Variants in PTPN14 observed in about 807,000 individuals in gnomAD.
PTPN14 encodes the protein protein tyrosine phosphatase non-receptor type 14, also known as tyrosine-protein phosphatase non-receptor type 14.
A neutral mutation model predicts 126.8 loss-of-function variants in PTPN14; 53 were observed. That is an observed-to-expected ratio of 0.42 (90% CI 0.34 to 0.53). PTPN14 has a LOEUF of 0.53. PTPN14 is among the 20% of genes least tolerant of loss of function. The pLI is 0.08. For synonymous variants in PTPN14, 630 were observed against 599.3 expected (o/e 1.05, Z -0.75); for missense variants, 1,257 against 1,552.9 (o/e 0.81, Z 3.20).
At chr1:214,521,936 CTTTTT>C (rs367888207) in intron 1 of PTPN14, among the ~76,000 whole-genome samples, 1 of 99,926 alleles carries the variant, frequency 1.0e-5, no homozygotes, top group Non-Finnish European at 1.9e-5. Flanking sequence ...AAATCTGAAG[CTTTTT>C]TTTTTTTTTT....
intron 5 of PTPN14, among the ~76,000 whole-genome samples, chr1:214,403,158 G>T (rs1659075621): frequency 6.6e-6 from 1 of 152,158 alleles, no homozygotes; most frequent in Non-Finnish European, 1.5e-5. Context: ...ATTATAACAG[G>T]TTATTTCCAG....
intron 1 of PTPN14, among the ~76,000 whole-genome samples, chr1:214,488,344 T>C (rs974733145): frequency 1.3e-5 from 2 of 152,202 alleles, no homozygotes; most frequent in Admixed American, 1.3e-4. Flanking sequence ...ACAATAGGGA[T>C]AAAACTGTTT....
chr1:214,500,837 G>A (rs1295217428), intron 1 of PTPN14, among the ~76,000 whole-genome samples: 3 of 152,158 alleles, frequency 2.0e-5, no homozygotes, highest in Non-Finnish European at 4.4e-5. Context: ...GGCATGTGGA[G>A]CCTCAGGTCC....
chr1:214,457,485 C>T (rs1466084047), intron 2 of PTPN14, among the ~76,000 whole-genome samples: 4 of 152,034 alleles, frequency 2.6e-5, no homozygotes, highest in African/African-American at 9.7e-5. Context: ...TCTCAGGTGC[C>T]TTTGTTATAT....
At chr1:214,465,006 C>G in intron 1 of PTPN14, 49 bp from the exon 2 acceptor site, 1 of 523,730 alleles carries the variant, frequency 1.9e-6, no homozygotes, top group South Asian at 2.5e-5. Flanking sequence ...AGGGACCTAT[C>G]AATGGTACCA....
Position 214,434,747 on chromosome 1 carries a change from C to T in PTPN14, c.344+17058G>A, listed in dbSNP as rs943827827. The stretch of plus-strand genomic sequence containing the variant: ...GGACCCAGAGAAAAGGTGGAAGAAC[C>T]GAGAGCAGAATAGGGAGTCGGTCTT... On this transcript the variant is annotated intron_variant, in intron 3 of 18. Transcript: ENST00000366956. 2.0e-5 allele frequency among the ~76,000 whole-genome samples: 3 copies of T among 152,046 alleles called. No individual in the cohort carries two copies. In the South Asian group the frequency reaches 6.2e-4, roughly 32 times the overall value.
intron 1 of PTPN14, among the ~76,000 whole-genome samples, chr1:214,471,806 C>A (rs1048233205): frequency 2.6e-5 from 4 of 152,220 alleles, no homozygotes; most frequent in South Asian, 4.1e-4. Context: ...GACTAAATGT[C>A]CTCTGAAGAG....
chr1:214,514,169 A>C (rs1420621981), intron 1 of PTPN14, among the ~76,000 whole-genome samples: 1 of 152,104 alleles, frequency 6.6e-6, no homozygotes, highest in Non-Finnish European at 1.5e-5. Context: ...ATTCCAGAGC[A>C]GCGGGCAGAG....
In PTPN14 at chr1:214,487,053, T is replaced by C. The variant is rs1236344691; in HGVS notation, c.-154-22096A>G. Among the ~76,000 whole-genome samples the C allele has an allele frequency of 3.9e-5, 6 of 152,348 alleles. No individual in the cohort carries two copies. The East Asian group carries it at 9.6e-4, about 24-fold the overall frequency. On this transcript the variant is annotated intron_variant, in intron 1 of 18. Coordinates refer to ENST00000366956, the MANE Select transcript of PTPN14 (RefSeq NM_005401.5). The stretch of plus-strand genomic sequence containing the variant: ...CTGGAAAAAAATCTGTATGCTTTTA[T>C]ATTTTCACAGGTAAGTGCAGAAATG...
chr1:214,356,001 C>T lies in PTPN14; in HGVS notation c.*1921G>A, dbSNP rs1306350305. On this transcript the variant is annotated 3_prime_UTR_variant, in exon 19 of 19. Transcript: ENST00000366956. ...TTGGAGGCAGGGTCTCTCCGTAGCC[C>T]AGCCTGGACTACAGTGGCAAGATCA... The T allele has an allele frequency of 6.8e-6, 1 of 146,224 alleles. No homozygotes were observed. Among genetic ancestry groups the T allele is most frequent in the East Asian group, 2.0e-4 (1 of 5,092 alleles). 9.1% of individuals were successfully genotyped at this position (146,224 alleles called of 1,614,324 possible). A position where few individuals can be genotyped will look rare whatever the true frequency, so the allele number is the denominator to read the frequency against.
rs562610223 is a variant in PTPN14, at chr1:214,396,170, C to T, written c.759-1184G>A. On this transcript the variant is annotated intron_variant, in intron 8 of 18. Coordinates refer to ENST00000366956, the MANE Select transcript of PTPN14 (RefSeq NM_005401.5). The stretch of plus-strand genomic sequence containing the variant: ...TATTGTCTCTTAGCTGTATAGAGTC[C>T]GATTCTTACACCAACTCTTTATGGC... Among the ~76,000 whole-genome samples, 379 of 152,220 alleles carry T rather than the reference C, an allele frequency of 2.5e-3. 1 individual carries two copies. The highest frequency in any genetic ancestry group is 4.0e-3 in the Non-Finnish European group (270 of 68,002).
chr1:214,432,733 G>GT lies in PTPN14; in HGVS notation c.345-18008dup, dbSNP rs57401423. Among the ~76,000 whole-genome samples, 235 of 151,730 alleles carry GT rather than the reference G, an allele frequency of 1.5e-3. 1 individual carries two copies. The highest frequency in any genetic ancestry group is 5.1e-3 in the African/African-American group (212 of 41,392). ...TATACTGTATTACTCTACCTAAAAA[G>GT]TTTTTTTTTAAAAGAAAAGCAAAAC... is the stretch of plus-strand genomic sequence containing the variant. On this transcript the variant is annotated intron_variant, in intron 3 of 18. Transcript: ENST00000366956.
At chr1:214,406,390 A>G (rs1001745693) in intron 5 of PTPN14, among the ~76,000 whole-genome samples, 3 of 151,962 alleles carry the variant, frequency 2.0e-5, no homozygotes, top group African/African-American at 7.3e-5. Flanking sequence ...CTGAGGCAGG[A>G]GAATCGCTTG....
chr1:214,393,251 C>A (rs115384881), intron 10 of PTPN14, among the ~76,000 whole-genome samples: 10 of 152,212 alleles, frequency 6.6e-5, no homozygotes, highest in Admixed American at 1.3e-4. Context: ...CAGGAGCACA[C>A]GCAGGGTTAG....
intron 10 of PTPN14, among the ~76,000 whole-genome samples, chr1:214,393,045 GACA>G (rs1658794369): frequency 6.6e-6 from 1 of 152,160 alleles, no homozygotes; most frequent in South Asian, 2.1e-4. Flanking sequence ...CCAAGAAAAA[GACA>G]ACGATAGAGT....
intron 3 of PTPN14, among the ~76,000 whole-genome samples, chr1:214,423,056 G>C (rs965295722): frequency 3.4e-4 from 52 of 152,102 alleles, no homozygotes; most frequent in African/African-American, 1.2e-3. Context: ...ACTTTGAGGG[G>C]CTGAGGTGAG....
chr1:214,377,844 G>A lies in PTPN14; in HGVS notation c.2688+115C>T, dbSNP rs564081892. The A allele has an allele frequency of 1.0e-5, 13 of 1,283,098 alleles. No homozygotes were observed. In the Admixed American group the frequency reaches 1.1e-4, roughly 11 times the overall value. 79.5% of individuals were successfully genotyped at this position (1,283,098 alleles called of 1,614,324 possible). A position where few individuals can be genotyped will look rare whatever the true frequency, so the allele number is the denominator to read the frequency against. ...GTTATACCTGATCTTCCTAATCTCA[G>A]ATTGAAGAAAGAATGCATCACACAA... is the stretch of plus-strand genomic sequence containing the variant. On this transcript the variant is annotated intron_variant, in intron 14 of 18. Coordinates refer to ENST00000366956, the MANE Select transcript of PTPN14 (RefSeq NM_005401.5).
chr1:214,359,717 T>C (rs1197521247), intron 18 of PTPN14, among the ~76,000 whole-genome samples: 1 of 151,376 alleles, frequency 6.6e-6, no homozygotes, highest in East Asian at 2.0e-4. Context: ...GACGAGGTCT[T>C]ACTCTGTTGC....
intron 15 of PTPN14, among the ~76,000 whole-genome samples, chr1:214,375,248 A>G (rs1658319261): frequency 6.6e-6 from 1 of 152,264 alleles, no homozygotes; most frequent in Non-Finnish European, 1.5e-5. Flanking sequence ...TAGATATCTA[A>G]CTCGCCTTTT....
Sources: allele counts gnomAD v4.1 joint callset (sites outside exome capture counted in the v4.1 genomes callset), GRCh38; gene constraint gnomAD v4.1.1; transcripts MANE v1.5; gene names NCBI Gene and HGNC (gene_info 2026-07-23, HGNC 2026-07-21).